Variants in ZC3H12C observed in about 807,000 individuals in gnomAD.
ZC3H12C encodes probable ribonuclease ZC3H12C.
ZC3H12C carries 20 observed loss-of-function variants against 76.3 expected under a neutral mutation model. The ratio of observed to expected loss-of-function variants is 0.26; its 90% CI spans 0.18 to 0.38. The LOEUF is 0.38. ZC3H12C is among the 10% of genes least tolerant of loss of function. ZC3H12C has a pLI of 1.00. For synonymous variants in ZC3H12C, 352 were observed against 399.6 expected (o/e 0.88, Z 1.42); for missense variants, 874 against 1,086.5 (o/e 0.80, Z 2.75).
chr11:110,160,828 T>G (rs1204252411), intron 4 of ZC3H12C, among the ~76,000 whole-genome samples: 1 of 152,016 alleles, frequency 6.6e-6, no homozygotes, highest in Non-Finnish European at 1.5e-5. Context: ...TGGGGATATT[T>G]TGTTTTCTTT....
intron 1 of ZC3H12C, chr11:110,131,061 G>C (rs1335028737): frequency 1.3e-6 from 2 of 1,535,740 alleles, no homozygotes; most frequent in Non-Finnish European, 1.7e-6. Flanking sequence ...GGAGTTTACT[G>C]CTGAAGCTGC....
intron 1 of ZC3H12C, among the ~76,000 whole-genome samples, chr11:110,100,978 A>G (rs1284697362): frequency 1.3e-5 from 2 of 152,210 alleles, no homozygotes; most frequent in African/African-American, 4.8e-5. Context: ...TGTGAATGCA[A>G]AGGAAAAGTT....
At chr11:110,096,231 C>A (rs566899516) in intron 1 of ZC3H12C, among the ~76,000 whole-genome samples, 3 of 152,146 alleles carry the variant, frequency 2.0e-5, no homozygotes, top group African/African-American at 7.2e-5. Context: ...TCTCTAATTT[C>A]TTGGTGATTC....
intron 1 of ZC3H12C, among the ~76,000 whole-genome samples, chr11:110,127,981 C>T (rs1402331854): frequency 6.6e-6 from 1 of 152,024 alleles, no homozygotes; most frequent in Non-Finnish European, 1.5e-5. Flanking sequence ...TAATTGATGC[C>T]ATACCCCCAC....
chr11:110,117,665 C>CACAT (rs1861552272), intron 1 of ZC3H12C, among the ~76,000 whole-genome samples: 1 of 141,566 alleles, frequency 7.1e-6, no homozygotes, highest in South Asian at 2.2e-4. Flanking sequence ...CACACACACA[C>CACAT]ATATATATAT....
Position 110,152,910 on chromosome 11 carries a change from A to G in ZC3H12C, c.774-9A>G. On this transcript the variant is annotated splice_polypyrimidine_tract_variant and intron_variant, in intron 2 of 5. Transcript: ENST00000278590. ...GTTGTGTTTTAAGTGTTCCGTAATA[A>G]TCTTTCAGCCATGGAAACAAAGAAG... 1.2e-6 allele frequency: 2 copies of G among 1,610,434 alleles called. No homozygotes were observed. The highest frequency in any genetic ancestry group is 1.7e-6 in the Non-Finnish European group (2 of 1,178,194).
At chr11:110,113,707 T>C (rs1861475429) in intron 1 of ZC3H12C, among the ~76,000 whole-genome samples, 1 of 152,236 alleles carries the variant, frequency 6.6e-6, no homozygotes, top group Non-Finnish European at 1.5e-5. Flanking sequence ...TCCTCTTCTC[T>C]GTGCCATCAG....
At chr11:110,097,081 A>G (rs78875082) in intron 1 of ZC3H12C, among the ~76,000 whole-genome samples, 2 of 152,246 alleles carry the variant, frequency 1.3e-5, no homozygotes, top group African/African-American at 4.8e-5. Flanking sequence ...AGAATTTTTA[A>G]AACACCTGTA....
At chr11:110,111,945 G>C (rs1400048812) in intron 1 of ZC3H12C, among the ~76,000 whole-genome samples, 1 of 142,248 alleles carries the variant, frequency 7.0e-6, no homozygotes, top group Non-Finnish European at 1.5e-5. Flanking sequence ...CCATCTTTCA[G>C]TGCATGTGCA....
intron 2 of ZC3H12C, among the ~76,000 whole-genome samples, chr11:110,145,602 G>T (rs621893): frequency 0.3 from 40,927 of 138,700 alleles, 6,283 homozygotes; most frequent in African/African-American, 0.43. Context: ...AGAAATTGGG[G>T]GCGGGGGGGA....
intron 2 of ZC3H12C, among the ~76,000 whole-genome samples, chr11:110,145,461 T>C (rs1393247388): frequency 1.3e-5 from 2 of 152,192 alleles, no homozygotes; most frequent in African/African-American, 4.8e-5. Flanking sequence ...TACCTGAAAC[T>C]GAGTAGGCAT....
intron 2 of ZC3H12C, among the ~76,000 whole-genome samples, chr11:110,145,369 A>T (rs1469995984): frequency 6.6e-6 from 1 of 152,200 alleles, no homozygotes; most frequent in East Asian, 1.9e-4. Flanking sequence ...TGAAAGCCTT[A>T]TGAAGAATAT....
At chr11:110,093,488 G>A (rs1861047379) in intron 1 of ZC3H12C, 56 bp downstream of exon 1, 2 of 1,173,846 alleles carry the variant, frequency 1.7e-6, no homozygotes, top group Non-Finnish European at 2.1e-6. Flanking sequence ...TGGTCCTGGG[G>A]TAGCCGGTCG....
chr11:110,141,940 A>G (rs930753123), intron 2 of ZC3H12C, among the ~76,000 whole-genome samples: 6 of 152,182 alleles, frequency 3.9e-5, no homozygotes, highest in African/African-American at 1.4e-4. Flanking sequence ...GACTCACATT[A>G]TATTTCTATT....
chr11:110,096,750 G>C (rs551164493), intron 1 of ZC3H12C, among the ~76,000 whole-genome samples: 3 of 152,210 alleles, frequency 2.0e-5, no homozygotes, highest in Non-Finnish European at 1.5e-5. Context: ...TATGTAAGAC[G>C]AGAAGCCTTT....
At chr11:110,116,854 G>A (rs1861536062) in intron 1 of ZC3H12C, among the ~76,000 whole-genome samples, 1 of 152,190 alleles carries the variant, frequency 6.6e-6, no homozygotes, top group East Asian at 1.9e-4. Flanking sequence ...TGCTTGGTTA[G>A]TTTCAGGGAG....
At chr11:110,118,712 G>A (rs897643445) in intron 1 of ZC3H12C, among the ~76,000 whole-genome samples, 5 of 152,120 alleles carry the variant, frequency 3.3e-5, no homozygotes, top group Non-Finnish European at 7.4e-5. Flanking sequence ...CAGGAGAATT[G>A]CTTGAACCTG....
intron 2 of ZC3H12C, among the ~76,000 whole-genome samples, chr11:110,147,375 G>T (rs557702204): frequency 6.6e-6 from 1 of 152,116 alleles, no homozygotes; most frequent in East Asian, 1.9e-4. Flanking sequence ...TTCTTCCATT[G>T]AGATGAAAAA....
Position 110,137,132 on chromosome 11 carries a change from C to A in ZC3H12C, c.491C>A (p.Thr164Lys), listed in dbSNP as rs750555920. ...CCTGATGTGGTGCGAGAATACCAAA[C>A]AAAACTGGAGTTTGCACTTAAGTTA... The part of the protein sequence containing the change: ...KPPDVVREYQ[T>K]KLEFALKLGY... The change falls in exon 2 of 6, where the codon ACA becomes AAA. Residue 164 changes from threonine to lysine, a missense_variant. Transcript: ENST00000278590. 6.2e-7 allele frequency: 1 copy of A among 1,613,688 alleles called. No homozygotes were observed. Among genetic ancestry groups the A allele is most frequent in the Non-Finnish European group, 8.5e-7 (1 of 1,179,836 alleles).
Sources: gnomAD v4.1 joint callset for allele counts (sites outside exome capture counted in the v4.1 genomes callset) on GRCh38, gnomAD v4.1.1 for gene constraint, MANE v1.5 for transcripts, NCBI Gene and HGNC (gene_info 2026-07-23, HGNC 2026-07-21) for gene names.